The following BMAL1 variants were observed in gnomAD, a reference collection of about 807,000 sequenced individuals.
BMAL1 encodes the protein basic helix-loop-helix ARNT-like protein 1.
the BMAL1 span, among the ~76,000 whole-genome samples, chr11:13,331,626 G>A: frequency 6.6e-6 from 1 of 152,158 alleles, no homozygotes; most frequent in African/African-American, 2.4e-5. Context: ...CAATGCTCTG[G>A]CCCCACCCCT....
chr11:13,358,513 A>T, the BMAL1 span: 2 of 1,613,294 alleles, frequency 1.2e-6, no homozygotes, highest in African/African-American at 2.7e-5. Flanking sequence ...TTTGGTACCA[A>T]CATGCAACGC....
chr11:13,337,888 T>C, the BMAL1 span, among the ~76,000 whole-genome samples: 4 of 152,224 alleles, frequency 2.6e-5, no homozygotes, highest in Non-Finnish European at 4.4e-5. Context: ...GTTTGAACCC[T>C]GGCTTTCCTA....
At chr11:13,352,454 A>G in the BMAL1 span, among the ~76,000 whole-genome samples, 2 of 152,228 alleles carry the variant, frequency 1.3e-5, no homozygotes, top group African/African-American at 4.8e-5. Flanking sequence ...AAAAAGCAAC[A>G]TCAGTAATAG....
the BMAL1 span, among the ~76,000 whole-genome samples, chr11:13,305,090 A>G: frequency 6.6e-6 from 1 of 152,200 alleles, no homozygotes; most frequent in South Asian, 2.1e-4. Context: ...ATGACCTGTC[A>G]AGGCTGAAAC....
At chr11:13,326,448 C>T in the BMAL1 span, 1 of 152,226 alleles carries the variant, frequency 6.6e-6, no homozygotes, top group Admixed American at 6.5e-5. Context: ...TAGAGGGCTT[C>T]CTGTGTGCCG....
chr11:13,349,761 G>A, the BMAL1 span, among the ~76,000 whole-genome samples: 1 of 152,190 alleles, frequency 6.6e-6, no homozygotes, highest in East Asian at 1.9e-4. Context: ...AGGAGCTGAA[G>A]GACGGCCAGG....
At chr11:13,302,491 G>C in the BMAL1 span, among the ~76,000 whole-genome samples, 1 of 152,194 alleles carries the variant, frequency 6.6e-6, no homozygotes, top group African/African-American at 2.4e-5. Context: ...TTTGAAAGCT[G>C]TTTGCTATGC....
the BMAL1 span, among the ~76,000 whole-genome samples, chr11:13,292,765 A>G: frequency 6.6e-6 from 1 of 152,116 alleles, no homozygotes; most frequent in Non-Finnish European, 1.5e-5. Context: ...GTCCAGGCCT[A>G]GTATTTTTAA....
At chr11:13,324,256 C>A in the BMAL1 span, among the ~76,000 whole-genome samples, 4 of 152,206 alleles carry the variant, frequency 2.6e-5, no homozygotes, top group Non-Finnish European at 5.9e-5. Flanking sequence ...AACTCTCCAG[C>A]GGCTTTCTGG....
the BMAL1 span, among the ~76,000 whole-genome samples, chr11:13,377,518 G>T: frequency 6.6e-6 from 1 of 151,976 alleles, no homozygotes; most frequent in African/African-American, 2.4e-5. Context: ...AAATCACTTC[G>T]CAACTCTAGT....
chr11:13,365,465 G>A, the BMAL1 span: 3 of 1,571,964 alleles, frequency 1.9e-6, no homozygotes, highest in South Asian at 2.2e-5. Context: ...GTTTCCTACA[G>A]TATGAGAAAT....
At chr11:13,369,861 G>C in the BMAL1 span, 3 of 1,497,684 alleles carry the variant, frequency 2.0e-6, no homozygotes, top group African/African-American at 4.2e-5. Flanking sequence ...ATGGTTTCTG[G>C]CTGGCCAGAG....
the BMAL1 span, among the ~76,000 whole-genome samples, chr11:13,324,225 T>C: frequency 6.6e-6 from 1 of 152,160 alleles, no homozygotes; most frequent in East Asian, 1.9e-4. Flanking sequence ...AAAAGCAAAT[T>C]TGTGTCATTT....
the BMAL1 span, chr11:13,387,188 C>T: frequency 6.5e-6 from 1 of 154,074 alleles, no homozygotes; most frequent in Non-Finnish European, 1.4e-5. Flanking sequence ...TGTAAGAATC[C>T]TTTACTATAA....
At chr11:13,320,741 G>C in the BMAL1 span, among the ~76,000 whole-genome samples, 1 of 152,178 alleles carries the variant, frequency 6.6e-6, no homozygotes, top group Non-Finnish European at 1.5e-5. Context: ...GGAGTAAGAG[G>C]AAGGCTACCA....
chr11:13,377,290 CAT>C, the BMAL1 span, among the ~76,000 whole-genome samples: 4 of 152,202 alleles, frequency 2.6e-5, no homozygotes, highest in African/African-American at 9.7e-5. Context: ...CCAAATGCCT[CAT>C]AGACAGAACC....
the BMAL1 span, among the ~76,000 whole-genome samples, chr11:13,347,119 G>A: frequency 6.6e-6 from 1 of 152,220 alleles, no homozygotes; most frequent in East Asian, 1.9e-4. Context: ...GAGGCTGGGC[G>A]TGGTGGCTCA....
chr11:13,314,837 C>G, the BMAL1 span, among the ~76,000 whole-genome samples: 1 of 152,106 alleles, frequency 6.6e-6, no homozygotes, highest in Admixed American at 6.5e-5. Flanking sequence ...CATTTTAAAC[C>G]TTGTAAAGTC....
At chr11:13,356,403 A>C in the BMAL1 span, 1 of 538,398 alleles carries the variant, frequency 1.9e-6, no homozygotes, top group Non-Finnish European at 3.5e-6. Context: ...GGTTATATAG[A>C]TATTTCAATC....
Sources: allele counts gnomAD v4.1 joint callset (sites outside exome capture counted in the v4.1 genomes callset), GRCh38; gene constraint gnomAD v4.1.1; transcripts MANE v1.5; gene names NCBI Gene and HGNC (gene_info 2026-07-23, HGNC 2026-07-21).